MCM8: variants seen among roughly 807,000 people sequenced by gnomAD.
MCM8 encodes DNA helicase MCM8.
In MCM8, 85 loss-of-function variants were observed where a neutral mutation model predicts 98.9. The ratio of observed to expected loss-of-function variants is 0.86; its 90% CI spans 0.72 to 1.03. The LOEUF (loss-of-function observed/expected upper bound fraction) is 1.03. Among genes scored for constraint, MCM8 ranks in the 50% least tolerant of loss-of-function variants. The probability of loss-of-function intolerance (pLI) is 0.00; values close to 1 mark genes in which losing one functional copy is unlikely to be tolerated. For synonymous variants in MCM8, 352 were observed against 338.6 expected (o/e 1.04, Z -0.44); for missense variants, 951 against 997.8 (o/e 0.95, Z 0.63).
chr20:5,972,770 A>G, intron 11 of MCM8: 2 of 1,358,136 alleles, frequency 1.5e-6, no homozygotes, highest in Non-Finnish European at 1.9e-6. Flanking sequence ...GCCAGTATTA[A>G]AGCAAAAACA....
At chr20:5,972,092 C>A in intron 11 of MCM8, 55 bp downstream of exon 11, 3 of 1,392,792 alleles carry the variant, frequency 2.2e-6, no homozygotes, top group South Asian at 2.6e-5. Flanking sequence ...GCAAAAATAA[C>A]ATATAAAAAC....
chr20:5,980,103 C>T (rs2089599684), intron 13 of MCM8, among the ~76,000 whole-genome samples: 1 of 152,158 alleles, frequency 6.6e-6, no homozygotes, highest in Admixed American at 6.5e-5. Flanking sequence ...TTCTTTCCCC[C>T]TTAATGTTTT....
intron 13 of MCM8, among the ~76,000 whole-genome samples, chr20:5,979,884 G>C (rs186770734): frequency 6.6e-6 from 1 of 152,248 alleles, no homozygotes; most frequent in Admixed American, 6.5e-5. Context: ...CTTGAGAGTG[G>C]CCCAGGGCCA....
At chr20:5,953,920 A>G (rs236113) in intron 3 of MCM8, among the ~76,000 whole-genome samples, 26,858 of 151,846 alleles carry the variant, frequency 0.18, 3,174 homozygotes, top group African/African-American at 0.34. Flanking sequence ...TTTTCCATCA[A>G]TAGAATCTGT....
chr20:5,973,691 G>T (rs1432108175), intron 12 of MCM8, among the ~76,000 whole-genome samples: 3 of 151,774 alleles, frequency 2.0e-5, no homozygotes, highest in Admixed American at 6.6e-5. Flanking sequence ...GTCACACTCT[G>T]TTGCCCAGGC....
chr20:5,978,117 G>T, intron 13 of MCM8, 100 bp downstream of exon 13: 1 of 1,382,038 alleles, frequency 7.2e-7, no homozygotes, highest in Non-Finnish European at 1.0e-6. Context: ...GAAACATTTA[G>T]ATAGCAAAGT....
chr20:5,968,412 G>A (rs2089325484), intron 10 of MCM8, among the ~76,000 whole-genome samples: 1 of 152,180 alleles, frequency 6.6e-6, no homozygotes, highest in Non-Finnish European at 1.5e-5. Context: ...GGGCTTGGTG[G>A]CGGGCGCCTG....
At chr20:5,994,225 T>C in intron 18 of MCM8, 74 bp from the exon 19 acceptor site, 1 of 818,924 alleles carries the variant, frequency 1.2e-6, no homozygotes, top group Non-Finnish European at 1.9e-6. Flanking sequence ...ATATTATTAT[T>C]TGAGAGATTT....
intron 7 of MCM8, among the ~76,000 whole-genome samples, chr20:5,961,677 T>A (rs1368919964): frequency 6.6e-6 from 1 of 152,224 alleles, no homozygotes; most frequent in African/African-American, 2.4e-5. Context: ...TCTCACTCTG[T>A]CACCCAGGCT....
chr20:5,986,093 A>G lies in MCM8; in HGVS notation c.2125A>G (p.Thr709Ala). The change falls in exon 16 of 19, where the codon ACT (threonine) becomes GCT (alanine). Residue 709 changes from threonine (T) to alanine (A), a missense_variant. By Grantham distance (58) the Thr-to-Ala change is moderately conservative. Coordinates refer to ENST00000610722, the MANE Select transcript of MCM8 (RefSeq NM_032485.6). ...CCAGAGGTTAAATAGCTCACCAATC[A>G]CTACCAGGCAGCTGGAATCTTTGAT... ...QSQRLNSSPI[T>A]TRQLESLIRL... 1 of 1,614,148 alleles carries G rather than the reference A, an allele frequency of 6.2e-7. No individual in the cohort carries two copies. Among genetic ancestry groups the G allele is most frequent in the Non-Finnish European group, 8.5e-7 (1 of 1,180,014 alleles).
Position 5,967,588 on chromosome 20 carries a change from G to A in MCM8, c.1027+1G>A. ...GTCAAAGTCTCAAATGCGGAAGAAG[G>A]TAGGGTACAACTCTTTTCATTATTT... On this transcript the variant is annotated splice_donor_variant, in intron 9 of 18. Coordinates refer to ENST00000610722, the MANE Select transcript of MCM8 (RefSeq NM_032485.6). LOFTEE classifies it high-confidence loss of function. 1.2e-6 allele frequency: 2 copies of A among 1,609,414 alleles called. No homozygotes were observed. The highest frequency in any genetic ancestry group is 1.7e-6 in the Non-Finnish European group (2 of 1,176,702).
chr20:5,990,067 G>A (rs1054769915), intron 17 of MCM8, among the ~76,000 whole-genome samples: 3 of 150,470 alleles, frequency 2.0e-5, no homozygotes, highest in Non-Finnish European at 4.4e-5. Context: ...ATCACACAGT[G>A]CTTTTTTTTT....
At chr20:5,981,913 T>G (rs915224950) in intron 13 of MCM8, among the ~76,000 whole-genome samples, 6 of 152,156 alleles carry the variant, frequency 3.9e-5, no homozygotes, top group Admixed American at 2.0e-4. Context: ...TTGACACTGC[T>G]GAATGAGAAA....
intron 7 of MCM8, 86 bp downstream of exon 7, chr20:5,958,812 C>A: frequency 8.5e-7 from 1 of 1,183,340 alleles, no homozygotes; most frequent in Non-Finnish European, 1.2e-6. Flanking sequence ...TGTTTCTGAA[C>A]ACAGAGCTTA....
chr20:5,959,317 A>T (rs2089075044), intron 7 of MCM8, among the ~76,000 whole-genome samples: 1 of 152,152 alleles, frequency 6.6e-6, no homozygotes, highest in South Asian at 2.1e-4. Flanking sequence ...TCTCAGTTTT[A>T]TTCCCTTTAT....
At chr20:5,965,505 A>G (rs1001144014) in intron 8 of MCM8, 8 of 151,948 alleles carry the variant, frequency 5.3e-5, no homozygotes, top group African/African-American at 1.5e-4. Context: ...TTCCCTTCCC[A>G]TTTTATTAAC....
Position 5,994,856 on chromosome 20 carries a change from C to A in MCM8, c.*465C>A. The stretch of plus-strand genomic sequence containing the variant: ...CCCAGGAGTTTGAGGTTACAGTGAG[C>A]CACAATCACACCAATCACTGCACTC... On this transcript the variant is annotated 3_prime_UTR_variant, in exon 19 of 19. Coordinates refer to ENST00000610722, the MANE Select transcript of MCM8 (RefSeq NM_032485.6). 1 of 354,276 alleles carries A rather than the reference C, an allele frequency of 2.8e-6. No homozygotes were observed. The allele number at this position is 354,276 out of a possible 1,614,324, so 21.9% of individuals were successfully genotyped here.
chr20:5,967,932 G>GT lies in MCM8; in HGVS notation c.1131dup (p.Lys378Ter). ...AAAACAAAGAGTTCTGAGGATGGGT[G>GT]TAAGCATGGAATGTTGATGGAGTTC... is the stretch of plus-strand genomic sequence containing the variant. On this transcript the variant is annotated frameshift_variant, in exon 10 of 19. Transcript: ENST00000610722. LOFTEE classifies it high-confidence loss of function. 1.2e-6 allele frequency: 2 copies of GT among 1,614,116 alleles called. No homozygotes were observed.
At chr20:5,979,869 A>G (rs1032582178) in intron 13 of MCM8, among the ~76,000 whole-genome samples, 1 of 152,208 alleles carries the variant, frequency 6.6e-6, no homozygotes, top group African/African-American at 2.4e-5. Flanking sequence ...AGTGAAAGCC[A>G]AAGTCTTGAG....
Sources: allele counts gnomAD v4.1 joint callset (sites outside exome capture counted in the v4.1 genomes callset), GRCh38; gene constraint gnomAD v4.1.1; transcripts MANE v1.5; gene names NCBI Gene and HGNC (gene_info 2026-07-23, HGNC 2026-07-21).